SLC25A21: variants seen among roughly 807,000 people sequenced by gnomAD.
SLC25A21 encodes solute carrier family 25 member 21.
Under a neutral mutation model 43.8 loss-of-function variants are expected in SLC25A21, and 47 were observed. That is an observed-to-expected ratio of 1.07 (90% CI 0.85 to 1.37). The LOEUF (loss-of-function observed/expected upper bound fraction) is 1.37. Ranked by LOEUF, SLC25A21 falls within the 40% of genes most tolerant of loss-of-function variation. The pLI, the probability that SLC25A21 is intolerant of heterozygous loss-of-function variation, is 0.00. For missense variants in SLC25A21, 352 were observed against 350.2 expected (o/e 1.00, Z -0.04); for synonymous variants, 131 against 121.3 (o/e 1.08, Z -0.52).
chr14:36,683,078 T>C (rs1882356058), intron 9 of SLC25A21, among the ~76,000 whole-genome samples: 1 of 152,192 alleles, frequency 6.6e-6, no homozygotes. Context: ...TAGGTGAGTG[T>C]AGCCTGATAA....
intron 3 of SLC25A21, among the ~76,000 whole-genome samples, chr14:36,795,899 C>T (rs1289548272): frequency 1.3e-5 from 2 of 152,028 alleles, no homozygotes; most frequent in Non-Finnish European, 2.9e-5. Flanking sequence ...AAGAGGATTG[C>T]GGGTAGAGGA....
intron 1 of SLC25A21, among the ~76,000 whole-genome samples, chr14:36,985,247 A>G (rs1023499015): frequency 6.6e-6 from 1 of 151,652 alleles, no homozygotes; most frequent in African/African-American, 2.4e-5. Context: ...TAGTGGGTGC[A>G]GCGCACCAGC....
intron 2 of SLC25A21, among the ~76,000 whole-genome samples, chr14:36,820,404 G>A (rs2138458841): frequency 6.6e-6 from 1 of 152,258 alleles, no homozygotes; most frequent in East Asian, 1.9e-4. Context: ...ACCAAAGCCA[G>A]CCCTAAGTGC....
chr14:36,932,186 A>G (rs1892312845), intron 1 of SLC25A21, among the ~76,000 whole-genome samples: 1 of 152,170 alleles, frequency 6.6e-6, no homozygotes, highest in African/African-American at 2.4e-5. Flanking sequence ...TGTTTCCTAA[A>G]GGCAATATGA....
chr14:36,751,775 C>T (rs997103122), intron 3 of SLC25A21, among the ~76,000 whole-genome samples: 7 of 152,168 alleles, frequency 4.6e-5, no homozygotes, highest in Non-Finnish European at 7.3e-5. Flanking sequence ...TAGGGGGATC[C>T]AGCCACAATG....
chr14:37,099,312 A>G (rs1962771892), intron 1 of SLC25A21, among the ~76,000 whole-genome samples: 1 of 152,054 alleles, frequency 6.6e-6, no homozygotes, highest in East Asian at 1.9e-4. Flanking sequence ...CTAACCAAGG[A>G]GGGCCCTGTT....
rs536862113 is a variant in SLC25A21, at chr14:37,035,003, T to A, written c.70+137278A>T. On this transcript the variant is annotated intron_variant, in intron 1 of 9. Transcript: ENST00000331299. ...GTGTAAAGCTGGTGAGTTTTAAGCA[T>A]CCTTAATAGTAGCCCTGTAATAAAC... 6.2e-4 allele frequency among the ~76,000 whole-genome samples: 95 copies of A among 152,324 alleles called. 1 individual carries two copies. Among genetic ancestry groups the A allele is most frequent in the Admixed American group, 1.7e-3 (26 of 15,304 alleles).
At chr14:36,826,082 T>G (rs1490567694) in intron 2 of SLC25A21, among the ~76,000 whole-genome samples, 1 of 152,212 alleles carries the variant, frequency 6.6e-6, no homozygotes. Context: ...GTCACCCAAG[T>G]GTTAAACTCT....
intron 1 of SLC25A21, among the ~76,000 whole-genome samples, chr14:36,976,127 T>C (rs142381910): frequency 6.6e-6 from 1 of 152,082 alleles, no homozygotes; most frequent in Non-Finnish European, 1.5e-5. Context: ...AGAGGCCACT[T>C]GAAAAATAAT....
Position 36,874,984 on chromosome 14 carries a change from T to A in SLC25A21, c.91A>T (p.Met31Leu). 1 of 1,610,270 alleles carries A rather than the reference T, an allele frequency of 6.2e-7. No individual in the cohort carries two copies. The highest frequency in any genetic ancestry group is 8.5e-7 in the Non-Finnish European group (1 of 1,178,472). The change falls in exon 2 of 10, where the codon ATG becomes TTG. Residue 31 changes from methionine to leucine, a missense_variant. Coordinates refer to ENST00000331299, the MANE Select transcript of SLC25A21 (RefSeq NM_030631.4). The part of the protein sequence containing the change: ...GSAGLVEICL[M>L]HPLDVVKTRF... ...GTTTTCACCACATCTAGGGGGTGCA[T>A]CAGGCAAATTTCTACAAGACCTGAA...
At chr14:36,989,913 CAAGA>C (rs1412806350) in intron 1 of SLC25A21, among the ~76,000 whole-genome samples, 1 of 151,898 alleles carries the variant, frequency 6.6e-6, no homozygotes, top group Admixed American at 6.6e-5. Context: ...AGAAAGAGAG[CAAGA>C]AAGAGAGACC....
intron 3 of SLC25A21, among the ~76,000 whole-genome samples, chr14:36,747,013 A>T (rs1885525610): frequency 6.6e-6 from 1 of 151,968 alleles, no homozygotes; most frequent in South Asian, 2.1e-4. Flanking sequence ...GCACACACAC[A>T]CTCTTATACA....
chr14:37,096,351 G>A (rs1962694034), intron 1 of SLC25A21, among the ~76,000 whole-genome samples: 2 of 151,980 alleles, frequency 1.3e-5, no homozygotes, highest in South Asian at 2.1e-4. Context: ...AGTCTTATTC[G>A]GGTTGAATCT....
intron 1 of SLC25A21, among the ~76,000 whole-genome samples, chr14:37,048,451 TTAC>T (rs1404331813): frequency 1.3e-5 from 2 of 151,226 alleles, no homozygotes; most frequent in Non-Finnish European, 1.5e-5. Context: ...CAGTACCAAA[TTAC>T]TACGTCTTCC....
chr14:36,728,417 T>C (rs1267884488), intron 5 of SLC25A21, among the ~76,000 whole-genome samples: 1 of 152,180 alleles, frequency 6.6e-6, no homozygotes, highest in Non-Finnish European at 1.5e-5. Flanking sequence ...TTAATCCTCT[T>C]TTTTGCCAAG....
intron 3 of SLC25A21, among the ~76,000 whole-genome samples, chr14:36,785,008 A>G (rs1887196841): frequency 6.6e-6 from 1 of 152,180 alleles, no homozygotes; most frequent in African/African-American, 2.4e-5. Context: ...CCTGATTCCC[A>G]TATGTAAGGA....
At chr14:36,954,836 C>T (rs1054495123) in intron 1 of SLC25A21, among the ~76,000 whole-genome samples, 4 of 152,204 alleles carry the variant, frequency 2.6e-5, no homozygotes, top group Middle Eastern at 6.8e-3. Context: ...CTTCCCTCTA[C>T]TTCCACCTAT....
At chr14:37,020,180 A>G (rs1053154263) in intron 1 of SLC25A21, among the ~76,000 whole-genome samples, 2 of 151,976 alleles carry the variant, frequency 1.3e-5, no homozygotes, top group Admixed American at 6.6e-5. Flanking sequence ...GATGTAGTTA[A>G]TAAGAGTAAG....
At chr14:36,687,520 C>T (rs533927203) in intron 7 of SLC25A21, among the ~76,000 whole-genome samples, 3 of 152,280 alleles carry the variant, frequency 2.0e-5, no homozygotes, top group South Asian at 2.1e-4. Flanking sequence ...AGTTGCTACC[C>T]CTGTGGGCAT....
Sources: gnomAD v4.1 joint callset for allele counts (sites outside exome capture counted in the v4.1 genomes callset) on GRCh38, gnomAD v4.1.1 for gene constraint, MANE v1.5 for transcripts, NCBI Gene and HGNC (gene_info 2026-07-23, HGNC 2026-07-21) for gene names.